The following GRID2 variants were observed in gnomAD, a reference collection of about 807,000 sequenced individuals.
GRID2 encodes the protein glutamate ionotropic receptor delta type subunit 2.
A neutral mutation model predicts 114.8 loss-of-function variants in GRID2; 33 were observed. The ratio of observed to expected loss-of-function variants is 0.29; its 90% CI spans 0.22 to 0.38. The LOEUF is 0.38. Among genes scored for constraint, GRID2 ranks in the 10% least tolerant of loss-of-function variants. GRID2 has a pLI of 1.00. For synonymous variants in GRID2, 505 were observed against 449.9 expected, an observed-to-expected ratio of 1.12 and a Z score of -1.55; for missense variants, 1,184 against 1,257.7, an observed-to-expected ratio of 0.94 and a Z score of 0.89.
At chr4:92,406,641 C>T (rs1452803245) in intron 1 of GRID2, among the ~76,000 whole-genome samples, 1 of 151,548 alleles carries the variant, frequency 6.6e-6, no homozygotes, top group African/African-American at 2.4e-5. Context: ...TCCCAACAAT[C>T]CTGTCACCCA....
intron 1 of GRID2, among the ~76,000 whole-genome samples, chr4:92,543,946 A>G (rs981478589): frequency 6.6e-6 from 1 of 152,178 alleles, no homozygotes; most frequent in Non-Finnish European, 1.5e-5. Flanking sequence ...CCTAAGGGCT[A>G]ATTCCAACTC....
intron 1 of GRID2, among the ~76,000 whole-genome samples, chr4:93,795,148 TATA>T (rs1734771843): frequency 1.3e-5 from 2 of 151,734 alleles, no homozygotes; most frequent in Non-Finnish European, 2.9e-5. Context: ...TAATCTCAGA[TATA>T]ATATTTTGAA....
At chr4:92,537,878 T>C (rs1163639975) in intron 1 of GRID2, among the ~76,000 whole-genome samples, 1 of 151,566 alleles carries the variant, frequency 6.6e-6, no homozygotes, top group East Asian at 1.9e-4. Context: ...TAAATAAATA[T>C]ACAATGAGAT....
chr4:92,423,730 A>T (rs1732016392), intron 1 of GRID2, among the ~76,000 whole-genome samples: 2 of 152,080 alleles, frequency 1.3e-5, no homozygotes, highest in African/African-American at 4.8e-5. Context: ...ATAAAATGCA[A>T]ACAGAGGGTA....
intron 14 of GRID2, among the ~76,000 whole-genome samples, chr4:93,725,755 G>A (rs141905196): frequency 0.011 from 1,640 of 152,150 alleles, 18 homozygotes; most frequent in African/African-American, 0.037. Context: ...ATTTTTTCAT[G>A]TGTCTTTTGA....
intron 13 of GRID2, among the ~76,000 whole-genome samples, chr4:93,554,410 A>G (rs1734096506): frequency 6.6e-6 from 1 of 151,010 alleles, no homozygotes; most frequent in African/African-American, 2.5e-5. Flanking sequence ...TTGTCCATTT[A>G]TCTCTTTTTT....
intron 2 of GRID2, among the ~76,000 whole-genome samples, chr4:92,955,613 T>C (rs1752347072): frequency 1.3e-5 from 2 of 152,104 alleles, no homozygotes; most frequent in South Asian, 4.1e-4. Context: ...AGAAGCTCTT[T>C]AGTTTAATTA....
chr4:92,347,700 TG>T (rs945620766), intron 1 of GRID2, among the ~76,000 whole-genome samples: 7 of 152,134 alleles, frequency 4.6e-5, no homozygotes, highest in Non-Finnish European at 1.0e-4. Flanking sequence ...GATGAAACAT[TG>T]GTATAACCTA....
At chr4:92,939,733 A>T (rs1428656528) in intron 2 of GRID2, among the ~76,000 whole-genome samples, 3 of 147,136 alleles carry the variant, frequency 2.0e-5, no homozygotes, top group African/African-American at 7.3e-5. Flanking sequence ...ATCATGAATT[A>T]ATTTTGGTAT....
intron 2 of GRID2, among the ~76,000 whole-genome samples, chr4:92,797,651 CTTTATAT>C (rs900449885): frequency 6.6e-6 from 1 of 151,824 alleles, no homozygotes; most frequent in Admixed American, 6.6e-5. Context: ...AAAAAAGTAT[CTTTATAT>C]TTTATGCATT....
intron 14 of GRID2, among the ~76,000 whole-genome samples, chr4:93,735,960 T>G (rs1666436075): frequency 6.6e-6 from 1 of 151,940 alleles, no homozygotes; most frequent in South Asian, 2.1e-4. Flanking sequence ...TGGAGAGAAC[T>G]AACTCAGAAA....
intron 4 of GRID2, among the ~76,000 whole-genome samples, chr4:93,204,495 A>G (rs1053826559): frequency 5.3e-5 from 8 of 152,178 alleles, no homozygotes; most frequent in Non-Finnish European, 4.4e-5. Context: ...AATACTCATG[A>G]ATAAAACCAA....
At chr4:93,245,959 AGGT>A (rs550905551) in intron 8 of GRID2, among the ~76,000 whole-genome samples, 130 of 152,322 alleles carry the variant, frequency 8.5e-4, no homozygotes, top group Non-Finnish European at 1.6e-3. Context: ...CTGCTATGTG[AGGT>A]GGTGAAAGTA....
Position 93,698,646 on chromosome 4 carries a change from T to C in GRID2, c.2361-70564T>C, listed in dbSNP as rs182486807. On this transcript the variant is annotated intron_variant, in intron 14 of 15. Coordinates refer to ENST00000282020, the MANE Select transcript of GRID2 (RefSeq NM_001510.4). ...TGGCTGGCATTATAAAGTGTTGCAATGTTAAATTATAATAAATATTGATTT... is the reference window on the plus strand; with the variant it reads ...TGGCTGGCATTATAAAGTGTTGCAACGTTAAATTATAATAAATATTGATTT... Among the ~76,000 whole-genome samples the C allele has an allele frequency of 1.1e-4, 16 of 152,222 alleles. No individual in the cohort carries two copies. The East Asian group carries it at 2.1e-3, about 20-fold the overall frequency.
chr4:93,202,131 A>G (rs1742173363), intron 4 of GRID2, among the ~76,000 whole-genome samples: 1 of 152,198 alleles, frequency 6.6e-6, no homozygotes, highest in African/African-American at 2.4e-5. Flanking sequence ...ATTCATTACC[A>G]AGGGAAAGCC....
At chr4:93,208,770 A>C (rs1008954641) in intron 5 of GRID2, among the ~76,000 whole-genome samples, 1 of 151,956 alleles carries the variant, frequency 6.6e-6, no homozygotes, top group African/African-American at 2.4e-5. Context: ...TTCTCATGTC[A>C]AAATAAGATA....
intron 1 of GRID2, among the ~76,000 whole-genome samples, chr4:92,544,527 A>G (rs1726140977): frequency 6.6e-6 from 1 of 152,090 alleles, no homozygotes; most frequent in Admixed American, 6.6e-5. Context: ...TTTATATTAT[A>G]CTCAATGCTT....
chr4:93,256,580 T>C (rs1749619585), intron 8 of GRID2, among the ~76,000 whole-genome samples: 1 of 151,918 alleles, frequency 6.6e-6, no homozygotes, highest in African/African-American at 2.4e-5. Context: ...CAAGATCATA[T>C]AGCATCATCC....
intron 2 of GRID2, among the ~76,000 whole-genome samples, chr4:92,618,142 T>C (rs188590677): frequency 1.2e-3 from 187 of 151,874 alleles, no homozygotes; most frequent in African/African-American, 4.2e-3. Context: ...ATTATATATT[T>C]TCTAGTCTTA....
Sources: gnomAD v4.1 joint callset for allele counts (sites outside exome capture counted in the v4.1 genomes callset) on GRCh38, gnomAD v4.1.1 for gene constraint, MANE v1.5 for transcripts, NCBI Gene and HGNC (gene_info 2026-07-23, HGNC 2026-07-21) for gene names.